KITLG: variants seen among roughly 807,000 people sequenced by gnomAD.
The protein encoded by KITLG is c-Kit ligand.
In KITLG, 13 loss-of-function variants were observed where a neutral mutation model predicts 34.1. That is an observed-to-expected ratio of 0.38 (90% CI 0.25 to 0.61). The LOEUF (loss-of-function observed/expected upper bound fraction) is 0.61, where lower values mean the gene tolerates loss of function less well. KITLG is among the 20% of genes least tolerant of loss of function. The pLI, the probability that KITLG is intolerant of heterozygous loss-of-function variation, is 0.60. For missense variants in KITLG, 292 were observed against 318.9 expected (o/e 0.92, Z 0.64); for synonymous variants, 110 against 104.0 (o/e 1.06, Z -0.35).
At chr12:88,518,974 T>C in intron 3 of KITLG, 107 bp from the exon 4 acceptor site, 4 of 976,144 alleles carry the variant, frequency 4.1e-6, no homozygotes, top group Non-Finnish European at 6.3e-6. Flanking sequence ...GTGATTCTCC[T>C]GCCTCAGCCT....
chr12:88,579,991 T>TA (rs1276997084), intron 1 of KITLG: 9 of 583,912 alleles, frequency 1.5e-5, no homozygotes, highest in Admixed American at 9.0e-5. Context: ...AGACGGGAAT[T>TA]ACGGTTTCCG....
Position 88,495,886 on chromosome 12 carries a change from TTTC to T in KITLG, c.*1330_*1332del, listed in dbSNP as rs1452563553. ...TCATTCTTTGACTTTAGTCAGATGT[TTTC>T]TTATTATAAAAAAAATTGGCAAGGG... On this transcript the variant is annotated 3_prime_UTR_variant, in exon 10 of 10. Transcript: ENST00000644744. The T allele has an allele frequency of 3.3e-5, 5 of 152,150 alleles. No homozygotes were observed. Among genetic ancestry groups the T allele is most frequent in the South Asian group, 2.1e-4 (1 of 4,830 alleles). The allele number at this position is 152,150 out of a possible 1,614,324, so 9.4% of individuals were successfully genotyped here.
chr12:88,507,450 C>G (rs1241374108), intron 6 of KITLG, among the ~76,000 whole-genome samples: 1 of 152,166 alleles, frequency 6.6e-6, no homozygotes, highest in Non-Finnish European at 1.5e-5. Flanking sequence ...TACTATCAAG[C>G]AAATCTATCT....
At chr12:88,528,837 T>A (rs79817981) in intron 3 of KITLG, among the ~76,000 whole-genome samples, 2,097 of 152,332 alleles carry the variant, frequency 0.014, 60 homozygotes, top group African/African-American at 0.048. Context: ...TCTTGCAACG[T>A]TTTTGTAAAT....
intron 1 of KITLG, among the ~76,000 whole-genome samples, chr12:88,570,196 T>C (rs927604409): frequency 5.3e-5 from 8 of 152,200 alleles, no homozygotes; most frequent in African/African-American, 1.9e-4. Context: ...GAAAGCTTTT[T>C]GGCAATGAAG....
intron 1 of KITLG, among the ~76,000 whole-genome samples, chr12:88,577,277 T>C (rs531434042): frequency 1.3e-5 from 2 of 152,288 alleles, no homozygotes; most frequent in African/African-American, 4.8e-5. Context: ...TCTATTTGCT[T>C]ATTCTCTGAG....
At chr12:88,520,673 C>A (rs912235272) in intron 3 of KITLG, among the ~76,000 whole-genome samples, 1 of 151,914 alleles carries the variant, frequency 6.6e-6, no homozygotes, top group African/African-American at 2.4e-5. Context: ...GTACTTTGTT[C>A]ATTTTGCTTT....
chr12:88,527,575 G>GT (rs1449633370), intron 3 of KITLG, among the ~76,000 whole-genome samples: 57 of 152,326 alleles, frequency 3.7e-4, no homozygotes, highest in African/African-American at 1.3e-3. Flanking sequence ...ATTGGTTCAG[G>GT]TAAGTATCAT....
chr12:88,575,926 AT>A (rs1029611841), intron 1 of KITLG, among the ~76,000 whole-genome samples: 2 of 152,192 alleles, frequency 1.3e-5, no homozygotes, highest in Admixed American at 6.5e-5. Context: ...TGAAAAAAAA[AT>A]GTCACTGCAC....
chr12:88,549,820 G>T lies in KITLG; in HGVS notation c.16-3955C>A, dbSNP rs79680660. ...AGTATAAAAAAGAACAAAGAACTGC[G>T]CATGCTATGGTGTTCTAACCTTAAG... On this transcript the variant is annotated intron_variant, in intron 1 of 9. Coordinates refer to ENST00000644744, the MANE Select transcript of KITLG (RefSeq NM_000899.5). Among the ~76,000 whole-genome samples the T allele has an allele frequency of 2.6e-4, 39 of 152,222 alleles. 1 individual carries two copies. In the East Asian group the frequency reaches 7.5e-3, roughly 29 times the overall value.
At position 88,495,766 on chromosome 12, in the gene KITLG, C is replaced by A. The variant is rs906623039; in HGVS notation, c.*1453G>T. 2.0e-5 allele frequency: 3 copies of A among 152,144 alleles called. No homozygotes were observed. The allele number at this position is 152,144 out of a possible 1,614,324, so 9.4% of individuals were successfully genotyped here. On this transcript the variant is annotated 3_prime_UTR_variant, in exon 10 of 10. Coordinates refer to ENST00000644744, the MANE Select transcript of KITLG (RefSeq NM_000899.5). Reference sequence around the variant, plus strand: ...TTGTAGAACATGGCAATAATGTTATCACAAAGATTAAGTTAGAATGGAAAG... The same window carrying A: ...TTGTAGAACATGGCAATAATGTTATAACAAAGATTAAGTTAGAATGGAAAG...
rs115843889 is a variant in KITLG at position 88,579,445 on chromosome 12, C to T, written c.15+819G>A. 3.4e-3 allele frequency among the ~76,000 whole-genome samples: 514 copies of T among 152,162 alleles called. 4 individuals are homozygous for T. The highest frequency in any genetic ancestry group is 0.012 in the African/African-American group (496 of 41,510). Reference sequence around the variant, plus strand: ...GTGGCGGCCCTTTCTAAACGAAGAACCAGGTATTTTCTTCAAGGGAAAAAA... The same window carrying T: ...GTGGCGGCCCTTTCTAAACGAAGAATCAGGTATTTTCTTCAAGGGAAAAAA... On this transcript the variant is annotated intron_variant, in intron 1 of 9. Transcript: ENST00000644744.
At chr12:88,503,050 T>C (rs1274085544) in intron 9 of KITLG, among the ~76,000 whole-genome samples, 1 of 152,112 alleles carries the variant, frequency 6.6e-6, no homozygotes, top group Admixed American at 6.6e-5. Context: ...ATTTACATTA[T>C]TTGACAGGAA....
intron 1 of KITLG, among the ~76,000 whole-genome samples, chr12:88,547,959 T>G (rs1413729430): frequency 6.6e-6 from 1 of 152,154 alleles, no homozygotes; most frequent in Non-Finnish European, 1.5e-5. Context: ...AGTAACTAGG[T>G]TATACAGTAT....
chr12:88,514,976 G>T (rs952358866), intron 6 of KITLG, among the ~76,000 whole-genome samples: 22 of 151,668 alleles, frequency 1.5e-4, no homozygotes, highest in African/African-American at 5.3e-4. Flanking sequence ...GGCAAAAGAG[G>T]ACAGAAATTT....
intron 2 of KITLG, among the ~76,000 whole-genome samples, chr12:88,538,705 A>G (rs1458868912): frequency 6.6e-6 from 1 of 152,114 alleles, no homozygotes; most frequent in African/African-American, 2.4e-5. Flanking sequence ...GGTTAAGTGG[A>G]TAAGTAACCA....
chr12:88,520,143 C>G (rs1020785560), intron 3 of KITLG, among the ~76,000 whole-genome samples: 2 of 152,168 alleles, frequency 1.3e-5, no homozygotes, highest in Admixed American at 1.3e-4. Flanking sequence ...GAATTTAGTT[C>G]AAGTGGCCAT....
At chr12:88,533,942 C>T (rs567252428) in intron 2 of KITLG, among the ~76,000 whole-genome samples, 78 of 152,256 alleles carry the variant, frequency 5.1e-4, no homozygotes, top group African/African-American at 1.8e-3. Flanking sequence ...CCACCTGACA[C>T]TCATTTCAGC....
In KITLG at chr12:88,494,852, G is replaced by C. The variant is rs181035713; in HGVS notation, c.*2367C>G. The C allele has an allele frequency of 2.6e-5, 4 of 152,050 alleles. No homozygotes were observed. The highest frequency in any genetic ancestry group is 1.9e-4 in the East Asian group (1 of 5,182). The allele number at this position is 152,050 out of a possible 1,614,324, so 9.4% of individuals were successfully genotyped here. On this transcript the variant is annotated 3_prime_UTR_variant, in exon 10 of 10. Transcript: ENST00000644744. ...TGAGTTTTCCATGATTTATGAAGAAGGATATTCAGAACACATCTGGGATAA... is the reference window on the plus strand; with the variant it reads ...TGAGTTTTCCATGATTTATGAAGAACGATATTCAGAACACATCTGGGATAA...
Sources: gnomAD v4.1 joint callset for allele counts (sites outside exome capture counted in the v4.1 genomes callset) on GRCh38, gnomAD v4.1.1 for gene constraint, MANE v1.5 for transcripts, NCBI Gene and HGNC (gene_info 2026-07-23, HGNC 2026-07-21) for gene names.